HNF1B: variants seen among roughly 807,000 people sequenced by gnomAD.
HNF1B encodes hepatocyte nuclear factor 1-beta.
HNF1B carries 8 observed loss-of-function variants against 61.7 expected under a neutral mutation model. The observed-to-expected ratio is 0.13, with a 90% CI of 0.08 to 0.23. The LOEUF is 0.23. HNF1B is among the 10% of genes least tolerant of loss of function. The pLI is 1.00. For synonymous variants in HNF1B, 314 were observed against 287.7 expected (o/e 1.09, Z -0.93); for missense variants, 562 against 714.5 (o/e 0.79, Z 2.43).
Position 37,715,200 on chromosome 17 carries a change from T to G in HNF1B, c.1046-4537A>C, listed in dbSNP as rs1052264517. 2.6e-5 allele frequency among the ~76,000 whole-genome samples: 4 copies of G among 152,118 alleles called. No individual in the cohort carries two copies. In the East Asian group the frequency reaches 7.7e-4, roughly 29 times the overall value. On this transcript the variant is annotated intron_variant, in intron 4 of 8. Coordinates refer to ENST00000617811, the MANE Select transcript of HNF1B (RefSeq NM_000458.4). ...TACGGCAGGAGTCAGTCACCCTGCA[T>G]GCACGCTGATGATATGTTTACTTTT...
Position 37,687,237 on chromosome 17 carries a change from C to T in HNF1B, c.*135G>A, listed in dbSNP as rs769456854. ...TGGATTGTCTGAGGTGCCAGCAGGA[C>T]GTCCGTCAGGTAAGCAGGGACCTCT... is the stretch of plus-strand genomic sequence containing the variant. On this transcript the variant is annotated 3_prime_UTR_variant, in exon 9 of 9. Transcript: ENST00000617811. 16 of 1,434,750 alleles carry T rather than the reference C, an allele frequency of 1.1e-5. No individual in the cohort carries two copies. In the East Asian group the frequency reaches 1.6e-4, roughly 15 times the overall value. 88.9% of individuals were successfully genotyped at this position (1,434,750 alleles called of 1,614,324 possible).
intron 4 of HNF1B, among the ~76,000 whole-genome samples, chr17:37,726,136 C>CTGTGTGTGTG (rs60311199): frequency 0.26 from 38,680 of 150,278 alleles, 5,145 homozygotes; most frequent in East Asian, 0.33. Context: ...CTGCTGGGGG[C>CTGTGTGTGTG]TGTGTGTGTG....
intron 4 of HNF1B, among the ~76,000 whole-genome samples, chr17:37,717,870 T>A (rs2033175878): frequency 6.6e-6 from 1 of 152,248 alleles, no homozygotes; most frequent in Non-Finnish European, 1.5e-5. Context: ...GGATACAGAT[T>A]CATGTTTGCA....
intron 8 of HNF1B, among the ~76,000 whole-genome samples, chr17:37,692,826 G>A (rs1236452643): frequency 2.6e-5 from 4 of 152,148 alleles, no homozygotes; most frequent in African/African-American, 9.7e-5. Context: ...AGAGATGGTA[G>A]TAATCCTGAG....
intron 8 of HNF1B, among the ~76,000 whole-genome samples, chr17:37,697,599 C>G (rs1459629492): frequency 6.6e-6 from 1 of 152,202 alleles, no homozygotes; most frequent in East Asian, 1.9e-4. Flanking sequence ...ATTGATAAAC[C>G]TTTCAAAGGG....
chr17:37,701,172 T>G lies in HNF1B; in HGVS notation c.1345A>C (p.Asn449His). Residue 449 changes from asparagine (N) to histidine (H), a missense_variant, in exon 7 of 9, where the codon AAC becomes CAC. Around this residue, in one of 6 missense-constraint regions of HNF1B, gnomAD observed 211 missense variants for 200.7 expected, o/e 1.05. Coordinates refer to ENST00000617811, the MANE Select transcript of HNF1B (RefSeq NM_000458.4). The stretch of plus-strand genomic sequence containing the variant: ...GGGACACTCTGTGCTTGGGAGGTGT[T>G]GAGGCCTGTGGGAGCAAGAGGAAAA... Reference protein sequence around the residue: ...SGVMAIAQSLNTSQAQSVPVI... With the variant: ...SGVMAIAQSLHTSQAQSVPVI... 1.3e-6 allele frequency: 2 copies of G among 1,550,734 alleles called. No homozygotes were observed. The highest frequency in any genetic ancestry group is 1.7e-6 in the Non-Finnish European group (2 of 1,147,072).
intron 4 of HNF1B, chr17:37,728,655 T>G (rs967456071): frequency 1.4e-5 from 2 of 147,880 alleles, no homozygotes; most frequent in Non-Finnish European, 3.0e-5. Flanking sequence ...CGTTTCTGGC[T>G]TGGTTAGTGA....
chr17:37,720,377 C>G (rs1170198336), intron 4 of HNF1B, among the ~76,000 whole-genome samples: 2 of 152,066 alleles, frequency 1.3e-5, no homozygotes, highest in African/African-American at 4.8e-5. Flanking sequence ...ACTCATGATA[C>G]GTTCTTTGAA....
intron 8 of HNF1B, among the ~76,000 whole-genome samples, chr17:37,698,565 C>A (rs925526715): frequency 1.2e-4 from 19 of 152,276 alleles, no homozygotes; most frequent in African/African-American, 4.1e-4. Context: ...GGGGAGTCCC[C>A]ATGGGTTGAC....
chr17:37,733,029 G>C (rs7405776), intron 3 of HNF1B, among the ~76,000 whole-genome samples: 1 of 151,646 alleles, frequency 6.6e-6, no homozygotes, highest in Admixed American at 6.6e-5. Flanking sequence ...GGGGCAGAGT[G>C]GACTGAACAG....
chr17:37,714,286 G>C (rs914498647), intron 4 of HNF1B, among the ~76,000 whole-genome samples: 1 of 152,236 alleles, frequency 6.6e-6, no homozygotes, highest in Non-Finnish European at 1.5e-5. Flanking sequence ...GGCTGAGGTC[G>C]TGCCACTTTA....
chr17:37,723,104 C>T (rs1285281535), intron 4 of HNF1B, among the ~76,000 whole-genome samples: 1 of 151,904 alleles, frequency 6.6e-6, no homozygotes, highest in South Asian at 2.1e-4. Flanking sequence ...CTTTGGGAGG[C>T]CGAGGCGGGC....
chr17:37,702,113 TG>T (rs1011712809), intron 6 of HNF1B, among the ~76,000 whole-genome samples: 3 of 152,150 alleles, frequency 2.0e-5, no homozygotes, highest in East Asian at 1.9e-4. Flanking sequence ...ACCTGCTTCC[TG>T]GGGTCGATTG....
At chr17:37,714,519 C>A (rs999812123) in intron 4 of HNF1B, among the ~76,000 whole-genome samples, 1 of 152,190 alleles carries the variant, frequency 6.6e-6, no homozygotes, top group African/African-American at 2.4e-5. Flanking sequence ...TACTTCCTAG[C>A]TCAAGCCACT....
chr17:37,730,552 G>T (rs1329885920), intron 4 of HNF1B: 6 of 152,238 alleles, frequency 3.9e-5, no homozygotes, highest in African/African-American at 1.4e-4. Flanking sequence ...CCACCCAGCT[G>T]ATGGCTCCGA....
chr17:37,696,916 C>T (rs2032404867), intron 8 of HNF1B, among the ~76,000 whole-genome samples: 1 of 152,222 alleles, frequency 6.6e-6, no homozygotes, highest in Admixed American at 6.5e-5. Flanking sequence ...GTGCCTTTCC[C>T]ATTCCTCCTT....
intron 2 of HNF1B, 131 bp downstream of exon 2, chr17:37,739,309 A>T (rs1042154960): frequency 1.2e-6 from 1 of 850,120 alleles, no homozygotes; most frequent in African/African-American, 1.7e-5. Context: ...GGCCAAATCT[A>T]CTTGCCACCT....
At chr17:37,729,434 C>CAAAAAAAAAAA (rs5820234) in intron 4 of HNF1B, 1 of 68,592 alleles carries the variant, frequency 1.5e-5, no homozygotes, top group African/African-American at 4.9e-5. Flanking sequence ...CCCTGTCTCT[C>CAAAAAAAAAAA]AAAAAAAAAA....
chr17:37,737,612 G>C (rs2147567050), intron 2 of HNF1B, among the ~76,000 whole-genome samples: 1 of 151,950 alleles, frequency 6.6e-6, no homozygotes, highest in Admixed American at 6.6e-5. Context: ...GGATCACGAG[G>C]TCAGGAGATC....
Sources: allele counts gnomAD v4.1 joint callset (sites outside exome capture counted in the v4.1 genomes callset), GRCh38; gene constraint gnomAD v4.1.1; regional missense constraint gnomAD v4.1.1; transcripts MANE v1.5; gene names NCBI Gene and HGNC (gene_info 2026-07-23, HGNC 2026-07-21).